Variants in STAU2 observed in about 807,000 individuals in gnomAD.
STAU2 encodes double-stranded RNA-binding protein Staufen homolog 2.
In STAU2, 20 loss-of-function variants were observed where a neutral mutation model predicts 65.9. The ratio of observed to expected loss-of-function variants is 0.30; its 90% CI spans 0.21 to 0.44. The LOEUF is 0.44. STAU2 is among the 20% of genes least tolerant of loss of function. STAU2 has a pLI of 1.00. For missense variants in STAU2, 558 were observed against 683.9 expected, an observed-to-expected ratio of 0.82 and a Z score of 2.05; for synonymous variants, 232 against 233.9, an observed-to-expected ratio of 0.99 and a Z score of 0.07.
intron 5 of STAU2, among the ~76,000 whole-genome samples, chr8:73,682,616 A>T (rs189419693): frequency 6.6e-6 from 1 of 152,288 alleles, no homozygotes; most frequent in Non-Finnish European, 1.5e-5. Flanking sequence ...AATAACAAAG[A>T]TGAGAGCAGA....
chr8:73,465,482 T>A (rs1819604487), intron 13 of STAU2, among the ~76,000 whole-genome samples: 1 of 152,254 alleles, frequency 6.6e-6, no homozygotes, highest in Non-Finnish European at 1.5e-5. Flanking sequence ...TATTTCTTAA[T>A]TATGTCTTCA....
chr8:73,692,238 GC>G (rs1819377186), intron 4 of STAU2, among the ~76,000 whole-genome samples: 1 of 149,290 alleles, frequency 6.7e-6, no homozygotes, highest in Admixed American at 6.7e-5. Flanking sequence ...TTGCTCTGTC[GC>G]CAAGGTTGGA....
chr8:73,674,126 T>TA (rs368065193), intron 5 of STAU2, among the ~76,000 whole-genome samples: 6,058 of 114,100 alleles, frequency 0.053, 305 homozygotes, highest in Admixed American at 0.18. Flanking sequence ...AACCCAAAAC[T>TA]AAAAAAAAAA....
chr8:73,562,878 A>T (rs567438087), intron 12 of STAU2, among the ~76,000 whole-genome samples: 5 of 152,248 alleles, frequency 3.3e-5, no homozygotes, highest in Admixed American at 3.3e-4. Flanking sequence ...TGGAAGGCTA[A>T]GGCAAAAGGG....
chr8:73,455,890 T>A (rs886893626), intron 13 of STAU2, among the ~76,000 whole-genome samples: 2 of 152,196 alleles, frequency 1.3e-5, no homozygotes, highest in African/African-American at 4.8e-5. Context: ...ATAGTGGATG[T>A]TCAGTACATA....
At chr8:73,686,448 G>A (rs1818827255) in intron 5 of STAU2, among the ~76,000 whole-genome samples, 1 of 151,994 alleles carries the variant, frequency 6.6e-6, no homozygotes, top group African/African-American at 2.4e-5. Flanking sequence ...TACTTGGGAG[G>A]CTGAGGGAGA....
In STAU2 at chr8:73,692,899, C is replaced by T. The variant is rs180687920; in HGVS notation, c.115-4086G>A. ...TTACAGCCAGGTGTGGTGGCTTATG[C>T]CTGGAATCCCAGCACTTTGGGAGGC... On this transcript the variant is annotated intron_variant, in intron 4 of 14. Coordinates refer to ENST00000524300, the MANE Select transcript of STAU2 (RefSeq NM_001164380.2). Among the ~76,000 whole-genome samples, 7 of 152,282 alleles carry T rather than the reference C, an allele frequency of 4.6e-5. No homozygotes were observed. In the East Asian group the frequency reaches 1.4e-3, roughly 29 times the overall value.
At chr8:73,515,773 CTTTTT>C (rs75132374) in intron 13 of STAU2, among the ~76,000 whole-genome samples, 10 of 90,930 alleles carry the variant, frequency 1.1e-4, no homozygotes, top group African/African-American at 2.6e-4. Context: ...AAAAATTTCT[CTTTTT>C]TTTTTTTTTT....
intron 13 of STAU2, among the ~76,000 whole-genome samples, chr8:73,449,025 T>C (rs557528722): frequency 6.6e-5 from 10 of 151,460 alleles, no homozygotes; most frequent in African/African-American, 2.2e-4. Flanking sequence ...TGAGCTGGAG[T>C]CGGCCCCCGG....
intron 13 of STAU2, among the ~76,000 whole-genome samples, chr8:73,529,103 T>TA (rs1026967498): frequency 6.6e-6 from 1 of 152,150 alleles, no homozygotes; most frequent in Non-Finnish European, 1.5e-5. Flanking sequence ...GATTTTGTTA[T>TA]AAAAAATATT....
chr8:73,512,447 G>A (rs993631220), intron 13 of STAU2, among the ~76,000 whole-genome samples: 3 of 152,050 alleles, frequency 2.0e-5, no homozygotes, highest in Admixed American at 2.0e-4. Flanking sequence ...AGTTTTCCAT[G>A]TGCAAATCTT....
chr8:73,527,725 G>C (rs1563402878), intron 13 of STAU2: 1 of 1,536,690 alleles, frequency 6.5e-7, no homozygotes, highest in East Asian at 2.4e-5. Flanking sequence ...GCTTCCAATA[G>C]CATGGAAAGT....
chr8:73,597,688 A>G (rs1811305458), intron 10 of STAU2, among the ~76,000 whole-genome samples: 1 of 150,274 alleles, frequency 6.7e-6, no homozygotes, highest in Non-Finnish European at 1.5e-5. Flanking sequence ...AAAAAAAAAA[A>G]AAAAAAGGAA....
intron 3 of STAU2, among the ~76,000 whole-genome samples, chr8:73,722,954 G>A (rs144620482): frequency 3.3e-5 from 5 of 152,186 alleles, no homozygotes; most frequent in African/African-American, 9.6e-5. Context: ...ACTTAAGAAA[G>A]ATTAATAAAA....
rs868722737 is a variant in STAU2 at position 73,614,049 on chromosome 8, G to A, written c.679-93C>T. On this transcript the variant is annotated intron_variant, in intron 8 of 14. Transcript: ENST00000524300. ...AATATTCATATCAAAACCAAAATTA[G>A]TATTATGCCAAAATTATAGTATTTC... 63 of 884,460 alleles carry A rather than the reference G, an allele frequency of 7.1e-5. No individual in the cohort carries two copies. In the Middle Eastern group the frequency reaches 2.7e-3, roughly 38 times the overall value. The allele number at this position is 884,460 out of a possible 1,614,324, so 54.8% of individuals were successfully genotyped here.
At chr8:73,567,693 A>ATGTGC (rs1808719233) in intron 12 of STAU2, among the ~76,000 whole-genome samples, 1 of 151,940 alleles carries the variant, frequency 6.6e-6, no homozygotes, top group Admixed American at 6.6e-5. Flanking sequence ...AATTATAGGC[A>ATGTGC]TGTGCCACAC....
intron 13 of STAU2, among the ~76,000 whole-genome samples, chr8:73,523,196 C>CAAAAAAAAAAAAAAAAAAA: frequency 1.3e-5 from 1 of 78,626 alleles, no homozygotes; most frequent in Non-Finnish European, 2.4e-5. Flanking sequence ...ACTTTGTCTC[C>CAAAAAAAAAAAAAAAAAAA]AAAAAAAAAA....
intron 5 of STAU2, among the ~76,000 whole-genome samples, chr8:73,682,118 A>G (rs1453914801): frequency 1.3e-5 from 2 of 152,156 alleles, no homozygotes; most frequent in African/African-American, 4.8e-5. Flanking sequence ...TATACCCTAC[A>G]ACAAATGGAT....
At position 73,635,819 on chromosome 8, in the gene STAU2, C is replaced by T. The variant is rs894660803; in HGVS notation, c.411-18368G>A. On this transcript the variant is annotated intron_variant, in intron 6 of 14. Coordinates refer to ENST00000524300, the MANE Select transcript of STAU2 (RefSeq NM_001164380.2). ...CAGCTTGGGCAACAGAGTAAGGCTC[C>T]GTCTAAATAAATAAATAAATAATCT... Among the ~76,000 whole-genome samples the T allele has an allele frequency of 4.0e-5, 6 of 149,964 alleles. No individual in the cohort carries two copies. The East Asian group carries it at 8.0e-4, about 20-fold the overall frequency.
Sources: gnomAD v4.1 joint callset for allele counts (sites outside exome capture counted in the v4.1 genomes callset) on GRCh38, gnomAD v4.1.1 for gene constraint, MANE v1.5 for transcripts, NCBI Gene and HGNC (gene_info 2026-07-23, HGNC 2026-07-21) for gene names.